Variants in CHM observed in about 807,000 individuals in gnomAD.
The protein encoded by CHM is rab proteins geranylgeranyltransferase component A 1.
In CHM, 10 loss-of-function variants were observed where a neutral mutation model predicts 49.0. That is an observed-to-expected ratio of 0.20 (90% CI 0.13 to 0.35). CHM has a LOEUF of 0.35. Ranked by LOEUF, CHM falls within the 10% of genes least tolerant of loss-of-function variation. The probability of loss-of-function intolerance (pLI) is 1.00; values close to 1 mark genes in which losing one functional copy is unlikely to be tolerated. For synonymous variants in CHM, 184 were observed against 167.5 expected (o/e 1.10, Z -0.76); for missense variants, 455 against 478.4 (o/e 0.95, Z 0.46).
At chrX:85,957,586 A>G (rs1930067327) in intron 7 of CHM, among the ~76,000 whole-genome samples, 1 of 108,283 alleles carries the variant, frequency 9.2e-6, no homozygotes, top group African/African-American at 3.4e-5. Context: ...CACTTCAGCA[A>G]TGAAAATATC....
At chrX:86,000,564 A>G (rs1319938481) in intron 2 of CHM, among the ~76,000 whole-genome samples, 1 of 108,658 alleles carries the variant, frequency 9.2e-6, no homozygotes, top group African/African-American at 3.3e-5. Context: ...GAACTGCAGC[A>G]CTACTCACAA....
At chrX:85,879,285 T>C (rs1438315883) in intron 12 of CHM, among the ~76,000 whole-genome samples, 1 of 111,255 alleles carries the variant, frequency 9.0e-6, no homozygotes, top group Non-Finnish European at 1.9e-5. Flanking sequence ...AATCATTTAT[T>C]CACAGAAAAG....
At chrX:85,928,459 C>T (rs972670625) in intron 8 of CHM, among the ~76,000 whole-genome samples, 2 of 111,170 alleles carry the variant, frequency 1.8e-5, no homozygotes, top group African/African-American at 6.5e-5. Flanking sequence ...AGGAGAATCT[C>T]TTGAACCCAA....
intron 2 of CHM, among the ~76,000 whole-genome samples, chrX:86,016,957 C>G (rs949055353): frequency 2.7e-5 from 3 of 112,764 alleles, no homozygotes; most frequent in Non-Finnish European, 3.8e-5. Flanking sequence ...GGAAACCCAA[C>G]TCTTGCATCA....
chrX:85,922,647 T>G (rs929176569), intron 8 of CHM, among the ~76,000 whole-genome samples: 2 of 112,317 alleles, frequency 1.8e-5, no homozygotes, highest in South Asian at 7.4e-4. Context: ...CCATCATAAG[T>G]TGAGGAGTGT....
At chrX:85,969,378 A>G in intron 4 of CHM, 1 of 724,151 alleles carries the variant, frequency 1.4e-6, no homozygotes, top group Non-Finnish European at 1.6e-6. Context: ...GTGTGAATTA[A>G]TATATTGCAC....
chrX:86,001,515 T>C (rs931432139), intron 2 of CHM, among the ~76,000 whole-genome samples: 3 of 111,048 alleles, frequency 2.7e-5, no homozygotes, highest in Admixed American at 9.6e-5. Context: ...CTGGAAAGGG[T>C]CTTAGGAAGC....
At chrX:85,929,439 C>CT (rs1162172287) in intron 8 of CHM, among the ~76,000 whole-genome samples, 7 of 111,869 alleles carry the variant, frequency 6.3e-5, no homozygotes, top group Non-Finnish European at 1.3e-4. Flanking sequence ...ACCCTATTTG[C>CT]TTTTTTTCTT....
At chrX:85,868,900 A>G (rs1923877977) in intron 14 of CHM, among the ~76,000 whole-genome samples, 2 of 112,057 alleles carry the variant, frequency 1.8e-5, no homozygotes. Flanking sequence ...ATACCATTTC[A>G]TCTAGCCTCC....
At chrX:85,920,057 C>T (rs1296427609) in intron 8 of CHM, among the ~76,000 whole-genome samples, 2 of 110,987 alleles carry the variant, frequency 1.8e-5, no homozygotes, top group Admixed American at 9.6e-5. Flanking sequence ...TTGGTGTCAA[C>T]GAGCAATAGT....
At chrX:85,970,171 A>G in intron 4 of CHM, 1 of 440,449 alleles carries the variant, frequency 2.3e-6, no homozygotes, top group Non-Finnish European at 2.8e-6. Flanking sequence ...TACAATGTTT[A>G]TATGTACCAA....
chrX:86,006,791 G>A (rs754437421), intron 2 of CHM, among the ~76,000 whole-genome samples: 2 of 111,738 alleles, frequency 1.8e-5, no homozygotes, highest in Non-Finnish European at 3.8e-5. Context: ...CATTCCATTC[G>A]CATGGATAGG....
intron 13 of CHM, among the ~76,000 whole-genome samples, chrX:85,877,793 C>T (rs1031166354): frequency 9.1e-6 from 1 of 110,492 alleles, no homozygotes; most frequent in Admixed American, 9.6e-5. Flanking sequence ...AATAAACCCC[C>T]CTCTATGCAC....
intron 8 of CHM, among the ~76,000 whole-genome samples, chrX:85,945,474 C>T (rs1450107900): frequency 1.9e-5 from 2 of 103,626 alleles, no homozygotes; most frequent in Non-Finnish European, 3.9e-5. Context: ...ATGTGATGTG[C>T]CTGCTCCACC....
At chrX:85,943,276 A>G (rs55929622) in intron 8 of CHM, among the ~76,000 whole-genome samples, 24,676 of 110,100 alleles carry the variant, frequency 0.22, 2,160 homozygotes, top group Non-Finnish European at 0.25. Flanking sequence ...AAAAGTGGGC[A>G]AAGGATATGA....
At chrX:86,018,681 C>T (rs964087970) in intron 2 of CHM, among the ~76,000 whole-genome samples, 3 of 112,187 alleles carry the variant, frequency 2.7e-5, no homozygotes, top group Non-Finnish European at 5.6e-5. Context: ...GTGATACATA[C>T]ATAATAGGAA....
chrX:85,962,543 G>C (rs747982600), intron 5 of CHM, among the ~76,000 whole-genome samples: 1 of 112,016 alleles, frequency 8.9e-6, no homozygotes, highest in East Asian at 2.8e-4. Context: ...GAAATGTTTT[G>C]GTCCCTCTCT....
chrX:86,024,654 AAG>A (rs762881860), intron 2 of CHM, among the ~76,000 whole-genome samples: 12 of 112,186 alleles, frequency 1.1e-4, no homozygotes, highest in African/African-American at 3.9e-4. Flanking sequence ...CATAAAGAAA[AAG>A]AGATATGGAG....
intron 2 of CHM, among the ~76,000 whole-genome samples, chrX:85,997,104 T>C (rs182727129): frequency 1.8e-5 from 2 of 111,953 alleles, no homozygotes; most frequent in East Asian, 5.6e-4. Context: ...TCTGTCATTT[T>C]CTTTCATTTG....
Sources: allele counts gnomAD v4.1 joint callset (sites outside exome capture counted in the v4.1 genomes callset), GRCh38; gene constraint gnomAD v4.1.1; transcripts MANE v1.5; gene names NCBI Gene and HGNC (gene_info 2026-07-23, HGNC 2026-07-21).